PIK3C2A: variants seen among roughly 807,000 people sequenced by gnomAD.
The protein encoded by PIK3C2A is phosphatidylinositol 4-phosphate 3-kinase C2 domain-containing subunit alpha.
PIK3C2A carries 97 observed loss-of-function variants against 204.5 expected under a neutral mutation model. The ratio of observed to expected loss-of-function variants is 0.47; its 90% CI spans 0.40 to 0.56. The LOEUF is 0.56. Ranked by LOEUF, PIK3C2A falls within the 20% of genes least tolerant of loss-of-function variation. The probability of loss-of-function intolerance (pLI) is 0.00; values close to 1 mark genes in which losing one functional copy is unlikely to be tolerated. For missense variants in PIK3C2A, 1,735 were observed against 1,969.2 expected (o/e 0.88, Z 2.25); for synonymous variants, 653 against 664.4 (o/e 0.98, Z 0.26).
At chr11:17,198,875 T>C (rs553621738) in intron 1 of PIK3C2A, among the ~76,000 whole-genome samples, 3 of 151,844 alleles carry the variant, frequency 2.0e-5, no homozygotes, top group Non-Finnish European at 4.4e-5. Context: ...TCCCAGCACT[T>C]TGGGAGGCCG....
At chr11:17,198,214 A>T (rs1419037114) in intron 1 of PIK3C2A, among the ~76,000 whole-genome samples, 1 of 151,354 alleles carries the variant, frequency 6.6e-6, no homozygotes, top group Non-Finnish European at 1.5e-5. Context: ...GTTCAAGCCG[A>T]TTCTCCTAAC....
Position 17,119,247 on chromosome 11 carries a change from T to C in PIK3C2A, c.2913A>G (p.Leu971=). The change falls in exon 17 of 33, where the codon CTA becomes CTG. Residue 971 remains leucine (L), a synonymous_variant. Coordinates refer to ENST00000691414, the MANE Select transcript of PIK3C2A (RefSeq NM_002645.4). ...TWIEAISDDE[L]TDLLPQFVQA... is the part of the protein sequence containing the mutation. ...GTACAAACTGTGGAAGAAGATCTGT[T>C]AGCTCATCATCACTAATGGCCTCAA... is the stretch of plus-strand genomic sequence containing the variant. 6.2e-7 allele frequency: 1 copy of C among 1,600,774 alleles called. No individual in the cohort carries two copies. The highest frequency in any genetic ancestry group is 8.6e-7 in the Non-Finnish European group (1 of 1,168,912).
In PIK3C2A at chr11:17,135,667, A is replaced by G. The variant is rs1849845133; in HGVS notation, c.1849-508T>C. On this transcript the variant is annotated intron_variant, in intron 9 of 32. Transcript: ENST00000691414. ...CCATGGTAGTTGATCACCTTCAAGT[A>G]ATTTCATATATGTGTGTGTGTGTGT... Among the ~76,000 whole-genome samples, 4 of 134,338 alleles carry G rather than the reference A, an allele frequency of 3.0e-5. No individual in the cohort carries two copies. The Admixed American group carries it at 3.3e-4, about 11-fold the overall frequency. The allele number at this position is 134,338 out of a possible 152,430, so 88.1% of individuals were successfully genotyped here. A position where few individuals can be genotyped will look rare whatever the true frequency, so the allele number is the denominator to read the frequency against.
At chr11:17,190,497 G>C (rs538658721) in intron 1 of PIK3C2A, among the ~76,000 whole-genome samples, 2 of 151,296 alleles carry the variant, frequency 1.3e-5, no homozygotes, top group Admixed American at 1.3e-4. Context: ...CTTGAACCCA[G>C]GAGGCAGAGG....
intron 21 of PIK3C2A, among the ~76,000 whole-genome samples, chr11:17,111,750 G>C (rs1311065574): frequency 2.0e-5 from 3 of 151,820 alleles, no homozygotes; most frequent in African/African-American, 7.3e-5. Context: ...GGTGGCACGT[G>C]TCTGTAATCC....
rs141005076 is a variant in PIK3C2A, at chr11:17,116,036, G to A, written c.3216+1455C>T. Reference sequence around the variant, plus strand: ...GCATGAGCCACAAAAGAAAAAAATAGATAAACTGGACTTCATCAAACTTAA... The same window carrying A: ...GCATGAGCCACAAAAGAAAAAAATAAATAAACTGGACTTCATCAAACTTAA... On this transcript the variant is annotated intron_variant, in intron 19 of 32. Coordinates refer to ENST00000691414, the MANE Select transcript of PIK3C2A (RefSeq NM_002645.4). Among the ~76,000 whole-genome samples the A allele has an allele frequency of 4.8e-3, 736 of 152,082 alleles. 14 individuals are homozygous for A. The highest frequency in any genetic ancestry group is 0.017 in the African/African-American group (700 of 41,468).
At chr11:17,138,002 G>T in intron 8 of PIK3C2A, 1 of 608,194 alleles carries the variant, frequency 1.6e-6, no homozygotes, top group Non-Finnish European at 3.1e-6. Flanking sequence ...CTCCCTGCTT[G>T]TGCTTTCAAC....
At chr11:17,102,418 C>A in intron 24 of PIK3C2A, among the ~76,000 whole-genome samples, 1 of 152,208 alleles carries the variant, frequency 6.6e-6, no homozygotes, top group Non-Finnish European at 1.5e-5. Context: ...GCCTGGGCGA[C>A]ACAGCAAGAC....
At chr11:17,128,989 A>G (rs555442418) in intron 13 of PIK3C2A, among the ~76,000 whole-genome samples, 13 of 152,378 alleles carry the variant, frequency 8.5e-5, no homozygotes, top group Admixed American at 3.3e-4. Context: ...GGGAACTTAC[A>G]AGACTGTGGT....
rs1565235227 is a variant in PIK3C2A, at chr11:17,094,341, T to C, written c.4371A>G (p.Ser1457=). 2 of 1,610,082 alleles carry C rather than the reference T, an allele frequency of 1.2e-6. No homozygotes were observed. The highest frequency in any genetic ancestry group is 1.7e-5 in the Admixed American group (1 of 59,974). The part of the protein sequence containing the change: ...RILREGQIEP[S]FVFRTFDEFQ... ...ATTCGTCAAATGTTCGGAAGACAAA[T>C]GATGGTTCAATCTGTCCTTCCCTCA... Residue 1457 remains serine, a synonymous_variant, in exon 28 of 33, where the codon TCA becomes TCG. Coordinates refer to ENST00000691414, the MANE Select transcript of PIK3C2A (RefSeq NM_002645.4).
rs763107936 is a variant in PIK3C2A, at chr11:17,119,329, A to C, written c.2847-16T>G. ...ATCAGCAAATCTAGAAGATTACCATAAAACCAAGATTGGACAGTGATTTCT... is the reference window on the plus strand; with the variant it reads ...ATCAGCAAATCTAGAAGATTACCATCAAACCAAGATTGGACAGTGATTTCT... On this transcript the variant is annotated splice_polypyrimidine_tract_variant and intron_variant, in intron 16 of 32. Transcript: ENST00000691414. 6.8e-7 allele frequency: 1 copy of C among 1,465,670 alleles called. No individual in the cohort carries two copies. The highest frequency in any genetic ancestry group is 9.6e-7 in the Non-Finnish European group (1 of 1,046,340). The allele number at this position is 1,465,670 out of a possible 1,614,324, so 90.8% of individuals were successfully genotyped here.
intron 1 of PIK3C2A, among the ~76,000 whole-genome samples, chr11:17,174,816 C>A (rs1489067198): frequency 6.6e-6 from 1 of 152,062 alleles, no homozygotes. Context: ...GCAGAAGAAT[C>A]CCTTGAACCC....
Position 17,122,743 on chromosome 11 carries a change from C to G in PIK3C2A, c.2470G>C (p.Val824Leu), listed in dbSNP as rs1250441581. The change falls in exon 14 of 33, where the codon GTT becomes CTT. Residue 824 changes from valine to leucine, a missense_variant. Physicochemically the swap from Val to Leu is conservative, Grantham distance 32 (BLOSUM62 1). Transcript: ENST00000691414. ...TCCATGACATATCCTTTTTTGGTAA[C>G]TGTTCCAGGAACAGAATTTGTATGT... ...SSHTNSVPGT[V>L]TKKGYVMERI... The G allele has an allele frequency of 9.6e-6, 15 of 1,564,866 alleles. No homozygotes were observed. The highest frequency in any genetic ancestry group is 1.1e-5 in the Non-Finnish European group (12 of 1,138,896).
chr11:17,148,638 G>A (rs549479508), intron 5 of PIK3C2A, 29 bp downstream of exon 5: 124 of 1,599,452 alleles, frequency 7.8e-5, no homozygotes, highest in South Asian at 5.0e-4. Flanking sequence ...AATTTCCAAG[G>A]ATGTTGCTCA....
At chr11:17,115,350 T>C (rs567034457) in intron 19 of PIK3C2A, among the ~76,000 whole-genome samples, 48 of 114,428 alleles carry the variant, frequency 4.2e-4, no homozygotes, top group Non-Finnish European at 8.3e-4. Flanking sequence ...CTGGGAAACA[T>C]GGCAAAACCC....
At chr11:17,166,935 G>A (rs898583948) in intron 2 of PIK3C2A, among the ~76,000 whole-genome samples, 4 of 152,144 alleles carry the variant, frequency 2.6e-5, no homozygotes, top group African/African-American at 9.7e-5. Flanking sequence ...GGGCCCTGCA[G>A]GATGGGAAAA....
At chr11:17,131,827 G>A (rs1371977345) in intron 12 of PIK3C2A, 89 bp downstream of exon 12, 3 of 975,784 alleles carry the variant, frequency 3.1e-6, no homozygotes, top group Non-Finnish European at 1.6e-6. Context: ...AATGAAAATT[G>A]CAATAAAAAT....
Position 17,119,799 on chromosome 11 carries a change from G to A in PIK3C2A, c.2833C>T (p.Leu945Phe). The A allele has an allele frequency of 6.5e-7, 1 of 1,549,984 alleles. No individual in the cohort carries two copies. The highest frequency in any genetic ancestry group is 8.7e-7 in the Non-Finnish European group (1 of 1,152,920). The change falls in exon 16 of 33, where the codon CTT (leucine) becomes TTT (phenylalanine). Residue 945 changes from leucine to phenylalanine, a missense_variant. Leu to Phe is a conservative substitution (Grantham distance 22). Around this residue, in one of 6 missense-constraint regions of PIK3C2A, gnomAD observed 567 missense variants for 576.0 expected, o/e 0.98. Coordinates refer to ENST00000691414, the MANE Select transcript of PIK3C2A (RefSeq NM_002645.4). ...PALYPLIALE[L>F]LDSKFADQEV... ...TATTTGACTTACTTTGAATCAAGAA[G>A]TTCCAATGCAATTAGTGGGTACAAT...
intron 1 of PIK3C2A, among the ~76,000 whole-genome samples, chr11:17,170,945 T>C (rs978490887): frequency 2.6e-5 from 4 of 151,944 alleles, no homozygotes; most frequent in Non-Finnish European, 4.4e-5. Flanking sequence ...CTACTAAATA[T>C]ACAAAAAATT....
Sources: gnomAD v4.1 joint callset for allele counts (sites outside exome capture counted in the v4.1 genomes callset) on GRCh38, gnomAD v4.1.1 for gene constraint, gnomAD v4.1.1 regional missense constraint, MANE v1.5 for transcripts, NCBI Gene and HGNC (gene_info 2026-07-23, HGNC 2026-07-21) for gene names.